Variants in PHACTR4 observed in about 807,000 individuals in gnomAD.
PHACTR4 encodes protein phosphatase 1, regulatory subunit 124.
In PHACTR4, 51 loss-of-function variants were observed where a neutral mutation model predicts 72.7. The observed-to-expected ratio is 0.70, with a 90% CI of 0.56 to 0.89. PHACTR4 has a LOEUF of 0.89. Among genes scored for constraint, PHACTR4 ranks in the 40% least tolerant of loss-of-function variants. The probability of loss-of-function intolerance (pLI) is 0.00; values close to 1 mark genes in which losing one functional copy is unlikely to be tolerated. For synonymous variants in PHACTR4, 255 were observed against 302.5 expected (o/e 0.84, Z 1.63); for missense variants, 731 against 861.8 (o/e 0.85, Z 1.90).
intron 9 of PHACTR4, among the ~76,000 whole-genome samples, chr1:28,486,143 G>C (rs1215125197): frequency 6.6e-6 from 1 of 151,976 alleles, no homozygotes. Context: ...GATCACCTGA[G>C]GTTGGGAGTT....
chr1:28,369,790 G>C lies in PHACTR4; in HGVS notation c.-74G>C, dbSNP rs1395327584. 1 of 458,260 alleles carries C rather than the reference G, an allele frequency of 2.2e-6. No homozygotes were observed. The highest frequency in any genetic ancestry group is 4.4e-6 in the Non-Finnish European group (1 of 229,516). The allele number at this position is 458,260 out of a possible 1,614,324, so 28.4% of individuals were successfully genotyped here. ...CCAGGTAGGATTTCCGGGAGAGGCT[G>C]CTGTGGAGGCTGAGGAGGCGGCGGC... On this transcript the variant is annotated 5_prime_UTR_variant, in exon 1 of 14. Coordinates refer to ENST00000373839, the MANE Select transcript of PHACTR4 (RefSeq NM_001048183.3).
intron 8 of PHACTR4, 114 bp downstream of exon 8, chr1:28,476,405 A>G (rs910871949): frequency 1.8e-6 from 2 of 1,105,018 alleles, no homozygotes; most frequent in Non-Finnish European, 1.2e-6. Context: ...CCATTAAGTC[A>G]TCTGGCTAAC....
At position 28,406,466 on chromosome 1, in the gene PHACTR4, G is replaced by A. The variant is rs552655846; in HGVS notation, c.-38-944G>A. Among the ~76,000 whole-genome samples the A allele has an allele frequency of 3.7e-3, 563 of 152,244 alleles. 7 individuals are homozygous for A. The highest frequency in any genetic ancestry group is 3.2e-3 in the Non-Finnish European group (220 of 68,016). On this transcript the variant is annotated intron_variant, in intron 1 of 13. Coordinates refer to ENST00000373839, the MANE Select transcript of PHACTR4 (RefSeq NM_001048183.3). Reference sequence around the variant, plus strand: ...CCAAGGTCCTAAAGAAATCATCTAAGGTTGTTAAAAGCAGAAAAATTCTGA... The same window carrying A: ...CCAAGGTCCTAAAGAAATCATCTAAAGTTGTTAAAAGCAGAAAAATTCTGA...
intron 1 of PHACTR4, among the ~76,000 whole-genome samples, chr1:28,404,491 C>T (rs1314906379): frequency 1.4e-5 from 2 of 147,580 alleles, no homozygotes; most frequent in African/African-American, 5.0e-5. Flanking sequence ...CCATATTGAC[C>T]AGGCTGGTCT....
At chr1:28,378,278 G>A (rs1414497643) in intron 1 of PHACTR4, among the ~76,000 whole-genome samples, 1 of 148,978 alleles carries the variant, frequency 6.7e-6, no homozygotes, top group Admixed American at 6.8e-5. Flanking sequence ...GAGGCGGGTG[G>A]ATCACCTGAG....
intron 2 of PHACTR4, among the ~76,000 whole-genome samples, chr1:28,427,169 T>C (rs1194743340): frequency 6.6e-6 from 1 of 152,232 alleles, no homozygotes; most frequent in Non-Finnish European, 1.5e-5. Context: ...AATGTAATTC[T>C]TATTTACTTT....
In PHACTR4 at chr1:28,459,076, A is replaced by G. The variant is rs1347787386; in HGVS notation, c.17-9A>G. 3.2e-6 allele frequency: 5 copies of G among 1,584,786 alleles called. No individual in the cohort carries two copies. Among genetic ancestry groups the G allele is most frequent in the African/African-American group, 1.4e-5 (1 of 73,494 alleles). On this transcript the variant is annotated splice_polypyrimidine_tract_variant and intron_variant, in intron 2 of 13. Coordinates refer to ENST00000373839, the MANE Select transcript of PHACTR4 (RefSeq NM_001048183.3). Reference sequence around the variant, plus strand: ...TTGCTTCCTTCCCTCTCTTCTTTTCATGTAACAGAGGAAGCAGACCAGCCC... The same window carrying G: ...TTGCTTCCTTCCCTCTCTTCTTTTCGTGTAACAGAGGAAGCAGACCAGCCC...
At chr1:28,414,516 T>C (rs1224643463) in intron 2 of PHACTR4, among the ~76,000 whole-genome samples, 1 of 150,056 alleles carries the variant, frequency 6.7e-6, no homozygotes, top group African/African-American at 2.5e-5. Context: ...TAGCTGGGAC[T>C]ATAGGCACAT....
chr1:28,379,911 T>C (rs1471289181), intron 1 of PHACTR4, among the ~76,000 whole-genome samples: 1 of 151,838 alleles, frequency 6.6e-6, no homozygotes, highest in African/African-American at 2.4e-5. Context: ...TATTCCATAA[T>C]TGTAAAATTA....
intron 2 of PHACTR4, among the ~76,000 whole-genome samples, chr1:28,415,316 A>G (rs373953543): frequency 2.0e-5 from 3 of 152,080 alleles, no homozygotes; most frequent in Non-Finnish European, 4.4e-5. Flanking sequence ...TACACTGTAC[A>G]TAAGTGCTGA....
intron 1 of PHACTR4, among the ~76,000 whole-genome samples, chr1:28,372,048 ATT>A (rs761764882): frequency 7.3e-5 from 10 of 137,270 alleles, no homozygotes; most frequent in South Asian, 2.3e-4. Flanking sequence ...CTCCCGGCTA[ATT>A]TTTTTTTTTT....
intron 2 of PHACTR4, among the ~76,000 whole-genome samples, chr1:28,426,396 C>T (rs1401016014): frequency 3.3e-5 from 5 of 151,984 alleles, no homozygotes; most frequent in Admixed American, 2.6e-4. Context: ...TGGTGGCTCA[C>T]GCCTGTAATC....
chr1:28,379,499 C>A (rs1231619960), intron 1 of PHACTR4, among the ~76,000 whole-genome samples: 1 of 151,992 alleles, frequency 6.6e-6, no homozygotes, highest in Non-Finnish European at 1.5e-5. Context: ...GTCTTGAACT[C>A]CTGGTCTCAA....
intron 2 of PHACTR4, among the ~76,000 whole-genome samples, chr1:28,456,945 A>C (rs1353104957): frequency 6.8e-6 from 1 of 147,946 alleles, no homozygotes; most frequent in Non-Finnish European, 1.5e-5. Context: ...ATAGATAGAT[A>C]GATAATCAGA....
At chr1:28,495,616 T>TAC (rs201134093) in intron 13 of PHACTR4, among the ~76,000 whole-genome samples, 1 of 142,902 alleles carries the variant, frequency 7.0e-6, no homozygotes, top group African/African-American at 2.9e-5. Context: ...TTTATTTATT[T>TAC]TTTTTTTTTT....
intron 6 of PHACTR4, among the ~76,000 whole-genome samples, chr1:28,470,688 G>A (rs369358798): frequency 6.6e-6 from 1 of 151,620 alleles, no homozygotes; most frequent in South Asian, 2.1e-4. Context: ...GTGAGACCCT[G>A]TCTAAAATAA....
At chr1:28,377,824 A>G (rs1056817469) in intron 1 of PHACTR4, among the ~76,000 whole-genome samples, 1 of 148,916 alleles carries the variant, frequency 6.7e-6, no homozygotes, top group Non-Finnish European at 1.5e-5. Flanking sequence ...AGAGTGAAAG[A>G]CCATCTCAAA....
chr1:28,380,079 C>T (rs1263032646), intron 1 of PHACTR4, among the ~76,000 whole-genome samples: 2 of 91,408 alleles, frequency 2.2e-5, no homozygotes, highest in African/African-American at 4.6e-5. Context: ...TTTTTTGAGA[C>T]GGAGTCTCGC....
intron 11 of PHACTR4, 132 bp downstream of exon 11, chr1:28,491,144 G>A: frequency 1.2e-6 from 1 of 865,610 alleles, no homozygotes; most frequent in Middle Eastern, 2.7e-4. Context: ...CATGGCAGGA[G>A]GATTGCTTGA....
Sources: allele counts gnomAD v4.1 joint callset (sites outside exome capture counted in the v4.1 genomes callset), GRCh38; gene constraint gnomAD v4.1.1; transcripts MANE v1.5; gene names NCBI Gene and HGNC (gene_info 2026-07-23, HGNC 2026-07-21).